Variants in AK3 observed in about 807,000 individuals in gnomAD.
AK3 encodes the protein adenylate kinase 3.
In AK3, 27 loss-of-function variants were observed where a neutral mutation model predicts 23.7. The ratio of observed to expected loss-of-function variants is 1.14; its 90% CI spans 0.84 to 1.57. The LOEUF (loss-of-function observed/expected upper bound fraction) is 1.57, where lower values mean the gene tolerates loss of function less well. Ranked by LOEUF, AK3 falls within the 40% of genes most tolerant of loss-of-function variation. The pLI, the probability that AK3 is intolerant of heterozygous loss-of-function variation, is 0.00. For missense variants in AK3, 406 were observed against 285.6 expected (o/e 1.42, Z -3.04); for synonymous variants, 159 against 116.0 (o/e 1.37, Z -2.38).
chr9:4,721,233 T>A (rs1317135773), intron 2 of AK3, among the ~76,000 whole-genome samples: 1 of 151,806 alleles, frequency 6.6e-6, no homozygotes, highest in African/African-American at 2.4e-5. Context: ...TGAAACCCTA[T>A]CTCTACTAAA....
intron 1 of AK3, among the ~76,000 whole-genome samples, chr9:4,739,848 T>C (rs746862030): frequency 6.6e-6 from 1 of 152,032 alleles, no homozygotes; most frequent in Non-Finnish European, 1.5e-5. Context: ...GGAGAATTGC[T>C]TGAACCCAGG....
chr9:4,716,078 G>A (rs12684167), intron 4 of AK3, among the ~76,000 whole-genome samples: 5 of 151,982 alleles, frequency 3.3e-5, no homozygotes, highest in East Asian at 1.9e-4. Context: ...ACAATGGAGC[G>A]GAGTGACTGA....
chr9:4,715,743 T>C (rs1841709445), intron 4 of AK3, among the ~76,000 whole-genome samples: 1 of 152,086 alleles, frequency 6.6e-6, no homozygotes, highest in Admixed American at 6.6e-5. Context: ...CAACAACCCC[T>C]GGTACTTCAC....
At chr9:4,713,239 A>C in intron 4 of AK3, 143 bp from the exon 5 acceptor site, 1 of 1,126,380 alleles carries the variant, frequency 8.9e-7, no homozygotes. Context: ...AGAGAAAGGC[A>C]CTTGGCTGGG....
intron 1 of AK3, among the ~76,000 whole-genome samples, chr9:4,730,356 GTTT>G (rs1842124706): frequency 6.7e-6 from 1 of 149,982 alleles, no homozygotes; most frequent in South Asian, 2.3e-4. Flanking sequence ...TACAGATTTT[GTTT>G]TTTAAAAAAT....
In AK3 at chr9:4,713,837, G is replaced by T. The variant is rs951453988; in HGVS notation, c.564-741C>A. On this transcript the variant is annotated intron_variant, in intron 4 of 4. Coordinates refer to ENST00000381809, the MANE Select transcript of AK3 (RefSeq NM_016282.4). ...CTGGGGGTGCTTTTCAAGCCACACA[G>T]ATTCCCTCCAAAGATTCTGGCCTTC... 6.8e-5 allele frequency among the ~76,000 whole-genome samples: 6 copies of T among 88,438 alleles called. No individual in the cohort carries two copies. The South Asian group carries it at 2.1e-3, about 32-fold the overall frequency. The allele number at this position is 88,438 out of a possible 152,430, so 58.0% of individuals were successfully genotyped here.
intron 4 of AK3, among the ~76,000 whole-genome samples, chr9:4,713,889 C>A: frequency 1.4e-4 from 3 of 21,206 alleles, no homozygotes; most frequent in Admixed American, 5.5e-4. Context: ...TCCTCTAGCC[C>A]ATGCGTACAC....
chr9:4,731,333 T>C (rs940422646), intron 1 of AK3, among the ~76,000 whole-genome samples: 2 of 152,158 alleles, frequency 1.3e-5, no homozygotes, highest in Admixed American at 1.3e-4. Context: ...TGTGTTCTCA[T>C]CATTTAGCTC....
intron 1 of AK3, among the ~76,000 whole-genome samples, chr9:4,729,215 G>T (rs1294738769): frequency 6.6e-6 from 1 of 151,820 alleles, no homozygotes; most frequent in Non-Finnish European, 1.5e-5. Flanking sequence ...TCACCATGTT[G>T]GTCAGGCTGG....
chr9:4,740,077 A>AC (rs60293157), intron 1 of AK3, among the ~76,000 whole-genome samples: 1 of 139,176 alleles, frequency 7.2e-6, no homozygotes, highest in Non-Finnish European at 1.5e-5. Context: ...AAAAAAAAAA[A>AC]GAAGGAAAAC....
intron 1 of AK3, among the ~76,000 whole-genome samples, chr9:4,728,832 C>CATATATAT (rs145541536): frequency 6.9e-5 from 6 of 86,850 alleles, no homozygotes; most frequent in Admixed American, 2.6e-4. Context: ...CATGTCTCTA[C>CATATATAT]ATATATATAT....
chr9:4,720,791 G>A (rs1214525955), intron 2 of AK3, among the ~76,000 whole-genome samples: 1 of 152,080 alleles, frequency 6.6e-6, no homozygotes, highest in Non-Finnish European at 1.5e-5. Context: ...ATGAAATGTG[G>A]AAAAATTTGC....
chr9:4,727,189 G>C (rs952764526), intron 1 of AK3, among the ~76,000 whole-genome samples: 13 of 152,128 alleles, frequency 8.5e-5, no homozygotes, highest in African/African-American at 3.1e-4. Flanking sequence ...ATGAGCATTG[G>C]CTTCAACTTA....
In AK3 at chr9:4,741,096, A is replaced by C; in HGVS notation, c.-9T>G. On this transcript the variant is annotated 5_prime_UTR_variant, in exon 1 of 5. Transcript: ENST00000381809. ...CGCGCGGACGCCCCCATGGCCGCAGACTGAGGCCCGCACCGCGCGGGTACC... is the reference window on the plus strand; with the variant it reads ...CGCGCGGACGCCCCCATGGCCGCAGCCTGAGGCCCGCACCGCGCGGGTACC... 2.0e-6 allele frequency: 3 copies of C among 1,525,448 alleles called. No homozygotes were observed. The highest frequency in any genetic ancestry group is 2.6e-6 in the Non-Finnish European group (3 of 1,136,992). The allele number at this position is 1,525,448 out of a possible 1,614,324, so 94.5% of individuals were successfully genotyped here.
At chr9:4,736,005 C>T (rs13286573) in intron 1 of AK3, among the ~76,000 whole-genome samples, 7,492 of 151,048 alleles carry the variant, frequency 0.05, 265 homozygotes, top group Non-Finnish European at 0.075. Context: ...ATCCCAGCTA[C>T]TCAGGAGGCT....
At chr9:4,729,883 G>A (rs1194653009) in intron 1 of AK3, among the ~76,000 whole-genome samples, 4 of 150,824 alleles carry the variant, frequency 2.7e-5, no homozygotes, top group Non-Finnish European at 5.9e-5. Flanking sequence ...GTAAATGAAT[G>A]TTCATAGTGG....
At chr9:4,721,358 G>T (rs534840600) in intron 2 of AK3, among the ~76,000 whole-genome samples, 2 of 149,612 alleles carry the variant, frequency 1.3e-5, no homozygotes, top group East Asian at 2.0e-4. Flanking sequence ...AGAGGAGATC[G>T]CACCATCACA....
chr9:4,715,434 C>T (rs1160775111), intron 4 of AK3, among the ~76,000 whole-genome samples: 1 of 148,048 alleles, frequency 6.8e-6, no homozygotes, highest in Non-Finnish European at 1.5e-5. Flanking sequence ...ACTCTGACAC[C>T]CGCGCTCTAG....
chr9:4,718,946 C>G (rs980787925), intron 3 of AK3, among the ~76,000 whole-genome samples, 189 bp downstream of exon 3: 3 of 152,202 alleles, frequency 2.0e-5, no homozygotes, highest in Admixed American at 2.0e-4. Flanking sequence ...TAACAAACCC[C>G]TGCTGCTCCT....
Sources: allele counts gnomAD v4.1 joint callset (sites outside exome capture counted in the v4.1 genomes callset), GRCh38; gene constraint gnomAD v4.1.1; transcripts MANE v1.5; gene names NCBI Gene and HGNC (gene_info 2026-07-23, HGNC 2026-07-21).